GBE1: variants seen among roughly 807,000 people sequenced by gnomAD.
The protein encoded by GBE1 is 1,4-alpha-glucan branching enzyme 1, also known as 1,4-alpha-glucan-branching enzyme.
GBE1 carries 70 observed loss-of-function variants against 88.8 expected under a neutral mutation model. The observed-to-expected ratio is 0.79, with a 90% confidence interval of 0.65 to 0.96. The LOEUF (loss-of-function observed/expected upper bound fraction) is 0.96, where lower values mean the gene tolerates loss of function less well. GBE1 is among the 40% of genes least tolerant of loss of function. GBE1 has a pLI of 0.00. For synonymous variants in GBE1, 284 were observed against 300.1 expected (o/e 0.95, Z 0.56); for missense variants, 872 against 871.0 (o/e 1.00, Z -0.01).
chr3:81,623,670 G>A (rs1033873026), intron 7 of GBE1, among the ~76,000 whole-genome samples: 3 of 152,032 alleles, frequency 2.0e-5, no homozygotes, highest in South Asian at 4.1e-4. Context: ...CTGAGACAGC[G>A]TTTCACTCTG....
chr3:81,664,540 A>G (rs1045354999), intron 3 of GBE1, among the ~76,000 whole-genome samples: 30 of 152,116 alleles, frequency 2.0e-4, no homozygotes, highest in African/African-American at 7.2e-4. Context: ...AACATTTTGA[A>G]AAGAAAAAGA....
chr3:81,649,034 T>C, intron 4 of GBE1, 43 bp from the exon 5 acceptor site: 1 of 1,338,002 alleles, frequency 7.5e-7, no homozygotes, highest in Non-Finnish European at 1.0e-6. Flanking sequence ...CCAGGAATTC[T>C]GGTATGACAC....
intron 2 of GBE1, among the ~76,000 whole-genome samples, chr3:81,704,599 C>A (rs938091138): frequency 6.6e-6 from 1 of 151,948 alleles, no homozygotes; most frequent in African/African-American, 2.4e-5. Flanking sequence ...GACTTTTGAG[C>A]CCAGTGAAAT....
intron 7 of GBE1, among the ~76,000 whole-genome samples, chr3:81,619,989 C>A (rs1704302935): frequency 6.6e-6 from 1 of 151,562 alleles, no homozygotes; most frequent in Admixed American, 6.6e-5. Context: ...CATTTATGAG[C>A]TAAAATATCT....
intron 10 of GBE1, among the ~76,000 whole-genome samples, chr3:81,583,720 C>T (rs1187139427): frequency 6.6e-6 from 1 of 151,872 alleles, no homozygotes; most frequent in Admixed American, 6.6e-5. Flanking sequence ...AGATCTCATT[C>T]GTGGTTGCCA....
chr3:81,521,586 G>C (rs76954277), intron 14 of GBE1, among the ~76,000 whole-genome samples: 1 of 151,400 alleles, frequency 6.6e-6, no homozygotes, highest in Non-Finnish European at 1.5e-5. Context: ...AAATGCAAGG[G>C]AGAAGAAAAA....
chr3:81,609,698 G>C (rs938109166), intron 7 of GBE1, among the ~76,000 whole-genome samples: 3 of 152,036 alleles, frequency 2.0e-5, no homozygotes, highest in Non-Finnish European at 4.4e-5. Flanking sequence ...GCCTTTTCTA[G>C]AGCCCACTTA....
At chr3:81,527,369 T>C (rs1215773174) in intron 14 of GBE1, among the ~76,000 whole-genome samples, 2 of 151,988 alleles carry the variant, frequency 1.3e-5, no homozygotes, top group African/African-American at 4.8e-5. Context: ...AATTGACAAA[T>C]GGGATCTAAT....
chr3:81,559,955 A>G (rs1703395827), intron 12 of GBE1, among the ~76,000 whole-genome samples: 1 of 152,012 alleles, frequency 6.6e-6, no homozygotes, highest in Non-Finnish European at 1.5e-5. Context: ...TACAGTCCAT[A>G]CACAAAGGAT....
intron 7 of GBE1, among the ~76,000 whole-genome samples, chr3:81,627,998 C>A (rs1704442998): frequency 6.6e-6 from 1 of 152,084 alleles, no homozygotes; most frequent in East Asian, 1.9e-4. Flanking sequence ...ATAATAGCTC[C>A]ATGAGATAGG....
intron 10 of GBE1, among the ~76,000 whole-genome samples, chr3:81,583,096 T>C (rs1378031092): frequency 6.6e-6 from 1 of 152,096 alleles, no homozygotes; most frequent in Non-Finnish European, 1.5e-5. Context: ...AAAGAGGATA[T>C]GCAGGAGGCA....
chr3:81,514,256 A>G (rs1702763933), intron 14 of GBE1, among the ~76,000 whole-genome samples: 1 of 151,636 alleles, frequency 6.6e-6, no homozygotes, highest in Non-Finnish European at 1.5e-5. Flanking sequence ...ATAATTTTAC[A>G]TACAAACATA....
chr3:81,749,028 A>C (rs1426777514), intron 1 of GBE1, among the ~76,000 whole-genome samples: 1 of 151,782 alleles, frequency 6.6e-6, no homozygotes, highest in Non-Finnish European at 1.5e-5. Flanking sequence ...AAAAGAAAAA[A>C]GAAAAAAAGA....
intron 1 of GBE1, among the ~76,000 whole-genome samples, chr3:81,715,265 A>G (rs903324028): frequency 6.6e-6 from 1 of 152,156 alleles, no homozygotes; most frequent in Non-Finnish European, 1.5e-5. Context: ...TCAAGATCAA[A>G]TGTATACAGA....
intron 14 of GBE1, among the ~76,000 whole-genome samples, chr3:81,508,474 T>A (rs1702683672): frequency 6.6e-6 from 1 of 152,078 alleles, no homozygotes; most frequent in Admixed American, 6.6e-5. Context: ...AAATAACAGA[T>A]TTTTATTCAC....
intron 14 of GBE1, among the ~76,000 whole-genome samples, chr3:81,517,787 G>A (rs1576129010): frequency 6.6e-6 from 1 of 151,166 alleles, no homozygotes; most frequent in Non-Finnish European, 1.5e-5. Flanking sequence ...AGTACTATTT[G>A]TCTTTTAATT....
intron 14 of GBE1, among the ~76,000 whole-genome samples, chr3:81,528,861 T>A (rs1460139577): frequency 6.6e-6 from 1 of 152,076 alleles, no homozygotes. Context: ...AGTCTATGAG[T>A]GCTTTTATAG....
rs574350698 is a variant in GBE1, at chr3:81,659,397, G to A, written c.430-9476C>T. 6.5e-4 allele frequency among the ~76,000 whole-genome samples: 98 copies of A among 150,586 alleles called. 1 individual carries two copies. In the South Asian group the frequency reaches 0.017, roughly 26 times the overall value. Reference sequence around the variant, plus strand: ...GTCACCCAGGCTGGAGTGCAGTGGCGTGATCTCGCCTCACTGCAACCTCCA... The same window carrying A: ...GTCACCCAGGCTGGAGTGCAGTGGCATGATCTCGCCTCACTGCAACCTCCA... On this transcript the variant is annotated intron_variant, in intron 3 of 15. Coordinates refer to ENST00000429644, the MANE Select transcript of GBE1 (RefSeq NM_000158.4).
At chr3:81,605,295 T>C (rs1237478772) in intron 7 of GBE1, among the ~76,000 whole-genome samples, 1 of 152,184 alleles carries the variant, frequency 6.6e-6, no homozygotes, top group African/African-American at 2.4e-5. Flanking sequence ...ATTGCTCTAA[T>C]ATAACCAAAA....
Sources: allele counts gnomAD v4.1 joint callset (sites outside exome capture counted in the v4.1 genomes callset), GRCh38; gene constraint gnomAD v4.1.1; transcripts MANE v1.5; gene names NCBI Gene and HGNC (gene_info 2026-07-23, HGNC 2026-07-21).